Variants in RGS6 observed in about 807,000 individuals in gnomAD.
RGS6 encodes the protein regulator of G protein signaling 6.
Under a neutral mutation model 78.5 loss-of-function variants are expected in RGS6, and 30 were observed. The observed-to-expected ratio is 0.38, with a 90% CI of 0.29 to 0.52. RGS6 has a LOEUF of 0.52. RGS6 is among the 20% of genes least tolerant of loss of function. RGS6 has a pLI of 0.85. For synonymous variants in RGS6, 206 were observed against 206.0 expected, an observed-to-expected ratio of 1.00 and a Z score of 0.00; for missense variants, 495 against 609.7, an observed-to-expected ratio of 0.81 and a Z score of 1.98.
At position 72,060,068 on chromosome 14, in the gene RGS6, C is replaced by T. The variant is rs559891343; in HGVS notation, c.84+95193C>T. 2.2e-4 allele frequency among the ~76,000 whole-genome samples: 33 copies of T among 152,192 alleles called. 1 individual carries two copies. The South Asian group carries it at 6.2e-3, about 29-fold the overall frequency. Reference sequence around the variant, plus strand: ...AAGAGGCATGACTGTTCAGATGCATCGGGGTTCGTCTCTACCTACCAAGGT... The same window carrying T: ...AAGAGGCATGACTGTTCAGATGCATTGGGGTTCGTCTCTACCTACCAAGGT... On this transcript the variant is annotated intron_variant, in intron 2 of 17. Coordinates refer to ENST00000553525, the MANE Select transcript of RGS6 (RefSeq NM_001204424.2).
At chr14:72,362,966 T>A (rs973251753) in intron 3 of RGS6, among the ~76,000 whole-genome samples, 5 of 152,190 alleles carry the variant, frequency 3.3e-5, no homozygotes, top group African/African-American at 1.2e-4. Flanking sequence ...CTCAAATACA[T>A]GACAAACATG....
chr14:72,570,169 T>C (rs1053000498), downstream of RGS6, among the ~76,000 whole-genome samples: 5 of 152,148 alleles, frequency 3.3e-5, no homozygotes, highest in African/African-American at 1.2e-4. Flanking sequence ...TAAAAAACAA[T>C]ATAGCATTAA....
intron 2 of RGS6, among the ~76,000 whole-genome samples, chr14:72,201,100 G>A (rs1311738213): frequency 6.6e-6 from 1 of 152,214 alleles, no homozygotes; most frequent in Non-Finnish European, 1.5e-5. Context: ...GCTTTCTCAA[G>A]GAAGTGGTGC....
At chr14:72,248,446 AAC>A (rs1244304416) in intron 2 of RGS6, among the ~76,000 whole-genome samples, 12 of 152,332 alleles carry the variant, frequency 7.9e-5, no homozygotes, top group African/African-American at 2.2e-4. Flanking sequence ...TCAATTCATA[AAC>A]ACATATTTTT....
chr14:72,042,744 T>A (rs571390097), intron 2 of RGS6, among the ~76,000 whole-genome samples: 4 of 152,312 alleles, frequency 2.6e-5, no homozygotes, highest in Admixed American at 6.5e-5. Flanking sequence ...CATGTAACCA[T>A]ATCTCATATT....
chr14:72,169,495 A>C (rs890273580), intron 2 of RGS6, among the ~76,000 whole-genome samples: 2 of 152,370 alleles, frequency 1.3e-5, no homozygotes, highest in East Asian at 1.9e-4. Flanking sequence ...GTGTTTCAAC[A>C]GAAACAGTGG....
chr14:72,105,800 C>A (rs1053853288), intron 2 of RGS6, among the ~76,000 whole-genome samples: 6 of 152,096 alleles, frequency 3.9e-5, no homozygotes, highest in African/African-American at 1.4e-4. Context: ...TAGCAGTCTT[C>A]GAGAGAGAAG....
In RGS6 at chr14:72,042,184, G is replaced by A. The variant is rs75795175; in HGVS notation, c.84+77309G>A. On this transcript the variant is annotated intron_variant, in intron 2 of 17. Transcript: ENST00000553525. ...ATTCTGTTGCCCAGGATAGAGGGCA[G>A]TGGTGCAGTCTCAGTTTACCGCAAC... Among the ~76,000 whole-genome samples the A allele has an allele frequency of 5.0e-3, 736 of 147,532 alleles. 6 individuals carry two copies. Among genetic ancestry groups the A allele is most frequent in the African/African-American group, 0.017 (696 of 40,090 alleles).
chr14:72,075,937 C>T (rs1373395631), intron 2 of RGS6, among the ~76,000 whole-genome samples: 3 of 152,202 alleles, frequency 2.0e-5, no homozygotes, highest in African/African-American at 7.2e-5. Context: ...TCCTGGAGCT[C>T]TTCTGACACA....
intron 2 of RGS6, among the ~76,000 whole-genome samples, chr14:72,185,499 T>G (rs2097229101): frequency 6.6e-6 from 1 of 152,154 alleles, no homozygotes. Flanking sequence ...AATAACAAAT[T>G]TATTTCAATC....
At chr14:72,261,436 T>C (rs1339393105) in intron 2 of RGS6, among the ~76,000 whole-genome samples, 1 of 127,136 alleles carries the variant, frequency 7.9e-6, no homozygotes, top group Non-Finnish European at 1.9e-5. Flanking sequence ...GAAGTTTTGA[T>C]ACGAAATTAC....
chr14:72,601,371 C>T, the RGS6 span, among the ~76,000 whole-genome samples: 1 of 152,192 alleles, frequency 6.6e-6, no homozygotes, highest in Non-Finnish European at 1.5e-5. Flanking sequence ...CCCAACCCTC[C>T]CCTGCTCAGG....
At chr14:72,098,245 C>T (rs1212595349) in intron 2 of RGS6, among the ~76,000 whole-genome samples, 1 of 152,212 alleles carries the variant, frequency 6.6e-6, no homozygotes, top group Non-Finnish European at 1.5e-5. Flanking sequence ...CTGGACCCTT[C>T]TCTCAGAGCC....
intron 2 of RGS6, among the ~76,000 whole-genome samples, chr14:72,314,502 C>T (rs996710000): frequency 7.9e-5 from 12 of 152,096 alleles, no homozygotes; most frequent in Non-Finnish European, 1.0e-4. Flanking sequence ...ATAGAAATGG[C>T]GGAGAAGGTG....
chr14:72,487,447 G>T (rs573483183), intron 12 of RGS6, among the ~76,000 whole-genome samples: 49 of 152,348 alleles, frequency 3.2e-4, no homozygotes, highest in African/African-American at 1.2e-3. Flanking sequence ...ATGGCAAGGA[G>T]AATTCAGGTT....
chr14:72,156,776 A>G (rs1489055765), intron 2 of RGS6, among the ~76,000 whole-genome samples: 1 of 152,208 alleles, frequency 6.6e-6, no homozygotes, highest in Non-Finnish European at 1.5e-5. Flanking sequence ...GGTTAAAGGC[A>G]AAGGCTGCAG....
At position 72,293,476 on chromosome 14, in the gene RGS6, C is replaced by T. The variant is rs2064038410; in HGVS notation, c.85-58619C>T. On this transcript the variant is annotated intron_variant, in intron 2 of 17. Transcript: ENST00000553525. ...TTTTCTCTCTCCCTCTCCCTCTCTT[C>T]CCCCCTCCCCTTTCCGCTTTCCCAC... Among the ~76,000 whole-genome samples the T allele has an allele frequency of 2.6e-5, 4 of 152,158 alleles. No individual in the cohort carries two copies. The Middle Eastern group carries it at 0.01, about 388-fold the overall frequency.
chr14:72,246,316 A>G (rs557370884), intron 2 of RGS6, among the ~76,000 whole-genome samples: 11 of 152,340 alleles, frequency 7.2e-5, no homozygotes, highest in African/African-American at 2.6e-4. Flanking sequence ...GGTTCAAAAT[A>G]AACAATGGTA....
chr14:72,036,231 G>T (rs936493484), intron 2 of RGS6, among the ~76,000 whole-genome samples: 5 of 78,280 alleles, frequency 6.4e-5, no homozygotes, highest in African/African-American at 1.4e-4. Flanking sequence ...TTATTATTAT[G>T]GCTGAGCAGA....
Sources: allele counts gnomAD v4.1 joint callset (sites outside exome capture counted in the v4.1 genomes callset), GRCh38; gene constraint gnomAD v4.1.1; transcripts MANE v1.5; gene names NCBI Gene and HGNC (gene_info 2026-07-23, HGNC 2026-07-21).